Variants in NRG1 observed in about 807,000 individuals in gnomAD.
NRG1 encodes pro-neuregulin-1, membrane-bound isoform.
A neutral mutation model predicts 63.8 loss-of-function variants in NRG1; 18 were observed. That is an observed-to-expected ratio of 0.28 (90% CI 0.19 to 0.42). The LOEUF is 0.42. Ranked by LOEUF, NRG1 falls within the 10% of genes least tolerant of loss-of-function variation. The pLI is 1.00. For synonymous variants in NRG1, 302 were observed against 301.3 expected, an observed-to-expected ratio of 1.00 and a Z score of -0.02; for missense variants, 762 against 814.7, an observed-to-expected ratio of 0.94 and a Z score of 0.79.
intron 1 of NRG1, among the ~76,000 whole-genome samples, chr8:31,714,137 G>A (rs1264640730): frequency 1.3e-5 from 2 of 152,190 alleles, no homozygotes; most frequent in Non-Finnish European, 2.9e-5. Context: ...GGGAGACTAT[G>A]TATGCTTGGA....
intron 1 of NRG1, among the ~76,000 whole-genome samples, chr8:31,641,582 C>T (rs745427232): frequency 2.0e-5 from 3 of 152,144 alleles, no homozygotes; most frequent in Non-Finnish European, 4.4e-5. Flanking sequence ...CTGATTATCT[C>T]ATTTCGTTGC....
chr8:32,186,494 GA>G (rs954498770), intron 1 of NRG1, among the ~76,000 whole-genome samples: 6 of 149,372 alleles, frequency 4.0e-5, no homozygotes, highest in East Asian at 3.9e-4. Context: ...GAAAGAAAAA[GA>G]AAAAAAAAGA....
intron 1 of NRG1, among the ~76,000 whole-genome samples, chr8:31,806,784 A>G (rs1822330634): frequency 6.6e-6 from 1 of 152,222 alleles, no homozygotes; most frequent in African/African-American, 2.4e-5. Flanking sequence ...AAGTGATAAA[A>G]TGGAGGCCAT....
intron 1 of NRG1, among the ~76,000 whole-genome samples, chr8:31,735,517 A>T (rs1267301456): frequency 6.6e-6 from 1 of 152,136 alleles, no homozygotes; most frequent in Non-Finnish European, 1.5e-5. Flanking sequence ...GGTTAACAAA[A>T]ACTGTATACT....
intron 1 of NRG1, among the ~76,000 whole-genome samples, chr8:32,029,697 A>T (rs1817967696): frequency 6.6e-6 from 1 of 152,238 alleles, no homozygotes; most frequent in Non-Finnish European, 1.5e-5. Context: ...AGGTTTCTAA[A>T]GCCCACATCT....
intron 1 of NRG1, among the ~76,000 whole-genome samples, chr8:32,450,948 G>A (rs1820879015): frequency 6.6e-6 from 1 of 151,962 alleles, no homozygotes; most frequent in South Asian, 2.1e-4. Flanking sequence ...AGGAAAATTT[G>A]GAAAGTCTTC....
chr8:31,736,203 A>T (rs745421830), intron 1 of NRG1, among the ~76,000 whole-genome samples: 2 of 152,240 alleles, frequency 1.3e-5, no homozygotes, highest in South Asian at 2.1e-4. Context: ...GGCATCACTG[A>T]TGTTTCAGAA....
chr8:31,791,396 G>A (rs2131664322), intron 1 of NRG1, among the ~76,000 whole-genome samples: 1 of 152,140 alleles, frequency 6.6e-6, no homozygotes, highest in South Asian at 2.1e-4. Context: ...TTATTCATTA[G>A]TACTGTCTGC....
intron 5 of NRG1, among the ~76,000 whole-genome samples, chr8:32,645,868 G>A (rs1853407926): frequency 6.6e-6 from 1 of 152,020 alleles, no homozygotes; most frequent in Non-Finnish European, 1.5e-5. Flanking sequence ...TTCTTCTAGT[G>A]TTTTAATGAC....
At chr8:32,256,270 TG>T (rs1849692508) in intron 1 of NRG1, among the ~76,000 whole-genome samples, 1 of 152,222 alleles carries the variant, frequency 6.6e-6, no homozygotes, top group Non-Finnish European at 1.5e-5. Context: ...AGAGGTGTTC[TG>T]GTTTTTGGAA....
chr8:32,449,441 CA>C (rs1403273137), intron 1 of NRG1, among the ~76,000 whole-genome samples: 2 of 150,148 alleles, frequency 1.3e-5, no homozygotes, highest in African/African-American at 2.4e-5. Context: ...AAAACAACAA[CA>C]AAAAAACTTA....
intron 1 of NRG1, among the ~76,000 whole-genome samples, chr8:32,410,341 C>T (rs1319288692): frequency 6.6e-6 from 1 of 151,798 alleles, no homozygotes. Context: ...CCACCATGCC[C>T]AGCTAATTTT....
chr8:32,175,392 A>C lies in NRG1; in HGVS notation c.38-420436A>C, dbSNP rs922577106. Among the ~76,000 whole-genome samples the C allele has an allele frequency of 2.0e-5, 3 of 152,154 alleles. 1 individual carries two copies. Among genetic ancestry groups the C allele is most frequent in the Admixed American group, 6.5e-5 (1 of 15,284 alleles). ...CCAATATCATACTGAATGGGCAAAA[A>C]CTGGAAGCATTCCCTTTGAAAACTG... On this transcript the variant is annotated intron_variant, in intron 1 of 10. Coordinates refer to the NRG1 transcript ENST00000519301.
At chr8:32,076,596 G>A (rs997590761) in intron 1 of NRG1, among the ~76,000 whole-genome samples, 4 of 151,920 alleles carry the variant, frequency 2.6e-5, no homozygotes, top group African/African-American at 9.7e-5. Context: ...GAGGGAGTGG[G>A]TCAGGAAAAA....
chr8:32,121,083 T>C (rs960916883), intron 1 of NRG1, among the ~76,000 whole-genome samples: 13 of 151,842 alleles, frequency 8.6e-5, no homozygotes, highest in Non-Finnish European at 1.2e-4. Context: ...TTGCACTGAT[T>C]ATGCACACCT....
At chr8:32,721,785 C>A in intron 5 of NRG1, 1 of 1,231,146 alleles carries the variant, frequency 8.1e-7, no homozygotes, top group Non-Finnish European at 1.0e-6. Context: ...CTAATGACTC[C>A]ACCTATCATT....
At chr8:31,859,089 G>T (rs1438670320) in intron 1 of NRG1, among the ~76,000 whole-genome samples, 3 of 152,176 alleles carry the variant, frequency 2.0e-5, no homozygotes, top group African/African-American at 7.2e-5. Flanking sequence ...TAATAAAGAT[G>T]TGTTTGACCC....
chr8:32,748,899 T>C (rs1315886049), intron 7 of NRG1: 4 of 266,918 alleles, frequency 1.5e-5, no homozygotes, highest in Non-Finnish European at 2.2e-5. Context: ...GCAGAAGCAT[T>C]TGTTGCTTTC....
At chr8:32,077,422 C>T (rs1005221999) in intron 1 of NRG1, among the ~76,000 whole-genome samples, 30 of 152,126 alleles carry the variant, frequency 2.0e-4, no homozygotes, top group African/African-American at 6.0e-4. Context: ...ATCTACTTAC[C>T]TGCATTTCTG....
Sources: allele counts gnomAD v4.1 joint callset (sites outside exome capture counted in the v4.1 genomes callset), GRCh38; gene constraint gnomAD v4.1.1; transcripts MANE v1.5; gene names NCBI Gene and HGNC (gene_info 2026-07-23, HGNC 2026-07-21).